Variants in AKAP9 observed in about 807,000 individuals in gnomAD.
AKAP9 encodes A-kinase anchoring protein 9, also known as A-kinase anchor protein 9.
AKAP9 carries 311 observed loss-of-function variants against 488.5 expected under a neutral mutation model. The ratio of observed to expected loss-of-function variants is 0.64; its 90% CI spans 0.58 to 0.70. The LOEUF (loss-of-function observed/expected upper bound fraction) is 0.70, where lower values mean the gene tolerates loss of function less well. Among genes scored for constraint, AKAP9 ranks in the 30% least tolerant of loss-of-function variants. The pLI is 0.00. For missense variants in AKAP9, 4,215 were observed against 4,374.5 expected (o/e 0.96, Z 1.03); for synonymous variants, 1,462 against 1,483.5 (o/e 0.99, Z 0.33).
In AKAP9 at chr7:92,083,669, A is replaced by T; in HGVS notation, c.8646+14A>T. On this transcript the variant is annotated intron_variant, in intron 33 of 49. Coordinates refer to ENST00000356239, the MANE Select transcript of AKAP9 (RefSeq NM_005751.5). The stretch of plus-strand genomic sequence containing the variant: ...AGAAGTAAAGAGGTATTTGGTTTTT[A>T]TAATATGTGTTTTTCAACATTGTGT... 3.7e-6 allele frequency: 6 copies of T among 1,609,252 alleles called. No individual in the cohort carries two copies. Among genetic ancestry groups the T allele is most frequent in the Non-Finnish European group, 5.1e-6 (6 of 1,179,002 alleles).
rs200030267 is a variant in AKAP9, at chr7:92,001,781, T to C, written c.1864T>C (p.Leu622=). Residue 622 remains leucine (L), a synonymous_variant, in exon 8 of 50, where the codon TTA becomes CTA. Coordinates refer to ENST00000356239, the MANE Select transcript of AKAP9 (RefSeq NM_005751.5). ...DRMAESQEAE[L]ERLRTQLLFS... ...AATGGCTGAATCACAAGAAGCTGAA[T>C]TAGAGAGGCTGAGAACACAGCTTCT... 18 of 1,613,342 alleles carry C rather than the reference T, an allele frequency of 1.1e-5. No individual in the cohort carries two copies. Among genetic ancestry groups the C allele is most frequent in the Non-Finnish European group, 1.5e-5 (18 of 1,179,754 alleles).
At chr7:92,006,610 A>G (rs574387610) in intron 8 of AKAP9, among the ~76,000 whole-genome samples, 1 of 152,352 alleles carries the variant, frequency 6.6e-6, no homozygotes, top group South Asian at 2.1e-4. Flanking sequence ...GGAAGTTCAC[A>G]GAAGAAATCG....
In AKAP9 at chr7:92,012,480, T is replaced by G. The variant is rs1290093649; in HGVS notation, c.3370T>G (p.Tyr1124Asp). ...CCAACGCATTTGCCTCTCTCTGGTTTATTCAACTCATGTGGATCAGGTTCG... is the reference window on the plus strand; with the variant it reads ...CCAACGCATTTGCCTCTCTCTGGTTGATTCAACTCATGTGGATCAGGTTCG... ...EAQRICLSLV[Y>D]STHVDQVREY... The change falls in exon 9 of 50, where the codon TAT (tyrosine) becomes GAT (aspartate). Residue 1124 changes from tyrosine (Y) to aspartate (D), a missense_variant. This residue lies in a region of AKAP9 where 2,361 missense variants were observed against 2,430.0 expected (regional missense o/e 0.97). Transcript: ENST00000356239. The G allele has an allele frequency of 1.2e-6, 2 of 1,614,116 alleles. No homozygotes were observed. The highest frequency in any genetic ancestry group is 1.7e-6 in the Non-Finnish European group (2 of 1,179,990).
At chr7:91,970,254 T>C (rs1458140419) in intron 1 of AKAP9, among the ~76,000 whole-genome samples, 2 of 152,220 alleles carry the variant, frequency 1.3e-5, no homozygotes, top group Non-Finnish European at 2.9e-5. Context: ...TTTGTCTCAA[T>C]TTACATGTTT....
At chr7:92,099,428 T>C (rs1032280778) in intron 43 of AKAP9, among the ~76,000 whole-genome samples, 1 of 152,216 alleles carries the variant, frequency 6.6e-6, no homozygotes, top group Non-Finnish European at 1.5e-5. Flanking sequence ...AGGTCTGTTA[T>C]TCATAAAGTG....
At chr7:92,073,674 A>G (rs1008387380) in intron 28 of AKAP9, among the ~76,000 whole-genome samples, 4 of 152,194 alleles carry the variant, frequency 2.6e-5, no homozygotes, top group Non-Finnish European at 5.9e-5. Context: ...AGAGCCTAGT[A>G]CTAAACTAGA....
At chr7:91,995,497 G>T in intron 6 of AKAP9, 106 bp from the exon 7 acceptor site, 2 of 962,260 alleles carry the variant, frequency 2.1e-6, no homozygotes, top group East Asian at 2.6e-5. Flanking sequence ...AGGGTCTCAA[G>T]CCTGCAGAGT....
chr7:91,949,758 C>A (rs538066283), intron 1 of AKAP9, among the ~76,000 whole-genome samples: 2 of 152,244 alleles, frequency 1.3e-5, no homozygotes, highest in East Asian at 3.9e-4. Flanking sequence ...AACATTATTT[C>A]AGGAGTAGTT....
Position 92,038,404 on chromosome 7 carries a change from C to A in AKAP9, c.4339-15C>A. 1 of 1,582,176 alleles carries A rather than the reference C, an allele frequency of 6.3e-7. No individual in the cohort carries two copies. Among genetic ancestry groups the A allele is most frequent in the Non-Finnish European group, 8.7e-7 (1 of 1,151,726 alleles). On this transcript the variant is annotated splice_polypyrimidine_tract_variant and intron_variant, in intron 16 of 49. Transcript: ENST00000356239. ...TCTAAATCTAATCCTTTATTGTTTGCTTTTATTTCTTTAGGTTATTGTGTC... is the reference window on the plus strand; with the variant it reads ...TCTAAATCTAATCCTTTATTGTTTGATTTTATTTCTTTAGGTTATTGTGTC...
chr7:92,065,142 C>G, intron 24 of AKAP9, 89 bp from the exon 25 acceptor site: 1 of 769,504 alleles, frequency 1.3e-6, no homozygotes. Context: ...CTTTCATGAA[C>G]GTAAAATTTG....
At position 92,095,005 on chromosome 7, in the gene AKAP9, T is replaced by G; in HGVS notation, c.9579-18T>G. The G allele has an allele frequency of 2.5e-6, 4 of 1,613,190 alleles. No homozygotes were observed. Among genetic ancestry groups the G allele is most frequent in the Non-Finnish European group, 3.4e-6 (4 of 1,179,202 alleles). ...GTCAACATAGCTTTATGGAAATTCA[T>G]TTGTCTTTCTGACTTAGGTTGGAAG... On this transcript the variant is annotated intron_variant, in intron 39 of 49. Coordinates refer to ENST00000356239, the MANE Select transcript of AKAP9 (RefSeq NM_005751.5).
chr7:91,965,552 A>G (rs1304694319), intron 1 of AKAP9, among the ~76,000 whole-genome samples: 1 of 152,148 alleles, frequency 6.6e-6, no homozygotes, highest in Non-Finnish European at 1.5e-5. Context: ...ATGTCCCAGT[A>G]GGGGAATTGC....
At position 92,070,188 on chromosome 7, in the gene AKAP9, T is replaced by C. The variant is rs1285110855; in HGVS notation, c.6489T>C (p.Ser2163=). The C allele has an allele frequency of 6.2e-7, 1 of 1,613,980 alleles. No individual in the cohort carries two copies. The highest frequency in any genetic ancestry group is 1.1e-5 in the South Asian group (1 of 91,076). Residue 2163 remains serine, a synonymous_variant, in exon 27 of 50, where the codon AGT becomes AGC. Transcript: ENST00000356239. The stretch of plus-strand genomic sequence containing the variant: ...AACTGGAGCAGGCGCTTCTTGTGAG[T>C]GCAGATACTTTTCAAAAGGTGTGGC... ...VRELEQALLV[S]ADTFQKVEDR... is the part of the protein sequence containing the mutation.
At position 92,012,523 on chromosome 7, in the gene AKAP9, A is replaced by G; in HGVS notation, c.3413A>G (p.Glu1138Gly). The change falls in exon 9 of 50, where the codon GAA becomes GGA. Residue 1138 changes from glutamate (E) to glycine (G), a missense_variant. By Grantham distance (98) the Glu-to-Gly change is moderately conservative. Transcript: ENST00000356239. ...VDQVREYMEN[E>G]KDKALCSLKE... ...CAGGTTCGTGAATATATGGAAAATGAAAAAGATAAAGCTCTTTGCAGTCTT... is the reference window on the plus strand; with the variant it reads ...CAGGTTCGTGAATATATGGAAAATGGAAAAGATAAAGCTCTTTGCAGTCTT... 2 of 1,614,060 alleles carry G rather than the reference A, an allele frequency of 1.2e-6. No homozygotes were observed. The highest frequency in any genetic ancestry group is 1.7e-6 in the Non-Finnish European group (2 of 1,179,948).
At chr7:92,050,044 CA>C (rs773227919) in intron 21 of AKAP9, among the ~76,000 whole-genome samples, 3 of 150,624 alleles carry the variant, frequency 2.0e-5, no homozygotes, top group Non-Finnish European at 4.4e-5. Flanking sequence ...GTTCCCTGCT[CA>C]AGGTAAATTT....
rs2285333 is a variant in AKAP9 at position 92,038,378 on chromosome 7, T to G, written c.4339-41T>G. The G allele has an allele frequency of 0.39, 579,300 of 1,498,130 alleles. 114,228 individuals are homozygous for G. Among genetic ancestry groups the G allele is most frequent in the African/African-American group, 0.47 (33,796 of 72,318 alleles). 92.8% of individuals were successfully genotyped at this position (1,498,130 alleles called of 1,614,324 possible). On this transcript the variant is annotated intron_variant, in intron 16 of 49. Transcript: ENST00000356239. ...TTACTTTTTAAATTCCTGCTGATAT[T>G]TCTAAATCTAATCCTTTATTGTTTG...
At chr7:91,971,631 G>A (rs1226077070) in intron 1 of AKAP9, among the ~76,000 whole-genome samples, 9 of 141,002 alleles carry the variant, frequency 6.4e-5, no homozygotes, top group Non-Finnish European at 9.1e-5. Context: ...GCAGTGGCGC[G>A]ATTTCAGCTC....
chr7:92,093,341 A>G lies in AKAP9; in HGVS notation c.9578+25A>G, dbSNP rs775794273. The G allele has an allele frequency of 6.3e-6, 10 of 1,597,768 alleles. No homozygotes were observed. In the East Asian group the frequency reaches 1.6e-4, roughly 25 times the overall value. ...GGTGTGCCAGGCTTCCTTATTAAAA[A>G]CATGTAACAAGGAGTGGGAGTAATT... is the stretch of plus-strand genomic sequence containing the variant. On this transcript the variant is annotated intron_variant, in intron 39 of 49. Coordinates refer to ENST00000356239, the MANE Select transcript of AKAP9 (RefSeq NM_005751.5).
At position 92,040,889 on chromosome 7, in the gene AKAP9, A is replaced by G. The variant is rs777713030; in HGVS notation, c.4908A>G (p.Gln1636=). 12 of 1,611,464 alleles carry G rather than the reference A, an allele frequency of 7.4e-6. No individual in the cohort carries two copies. The Admixed American group carries it at 1.0e-4, about 14-fold the overall frequency. Residue 1636 remains glutamine (Q), a synonymous_variant, in exon 18 of 50, where the codon CAA becomes CAG. Transcript: ENST00000356239. ...AAGAGATTAAGAGACTTAATAGACA[A>G]TTAGCCCAGGTAAGGGTCTTGTAGT... The part of the protein sequence containing the change: ...LQEEIKRLNR[Q]LAQRSSIDNE...
Sources: gnomAD v4.1 joint callset for allele counts (sites outside exome capture counted in the v4.1 genomes callset) on GRCh38, gnomAD v4.1.1 for gene constraint, gnomAD v4.1.1 regional missense constraint, MANE v1.5 for transcripts, NCBI Gene and HGNC (gene_info 2026-07-23, HGNC 2026-07-21) for gene names.